CA12: variants seen among roughly 807,000 people sequenced by gnomAD.
CA12 encodes the protein carbonic anhydrase 12, also known as carbonate dehydratase XII.
A neutral mutation model predicts 46.8 loss-of-function variants in CA12; 36 were observed. The ratio of observed to expected loss-of-function variants is 0.77; its 90% confidence interval spans 0.59 to 1.02. The LOEUF is 1.02. Ranked by LOEUF, CA12 falls within the 50% of genes least tolerant of loss-of-function variation. CA12 has a pLI of 0.00. For synonymous variants in CA12, 202 were observed against 187.0 expected (o/e 1.08, Z -0.65); for missense variants, 436 against 451.4 (o/e 0.97, Z 0.31).
intron 8 of CA12, among the ~76,000 whole-genome samples, chr15:63,333,093 C>T (rs1481391129): frequency 3.9e-5 from 6 of 152,112 alleles, no homozygotes; most frequent in African/African-American, 7.2e-5. Context: ...TCCAGGAGGA[C>T]GTGATTAGAG....
intron 2 of CA12, among the ~76,000 whole-genome samples, chr15:63,356,843 A>C (rs1418344200): frequency 6.6e-6 from 1 of 152,204 alleles, no homozygotes; most frequent in Non-Finnish European, 1.5e-5. Context: ...TATAGATCCC[A>C]AAGTATTAAA....
Position 63,340,147 on chromosome 15 carries a change from C to G in CA12, c.747+141G>C, listed in dbSNP as rs892252946. The G allele has an allele frequency of 2.0e-6, 2 of 1,003,998 alleles. No individual in the cohort carries two copies. Among genetic ancestry groups the G allele is most frequent in the Non-Finnish European group, 3.1e-6 (2 of 653,216 alleles). 62.2% of individuals were successfully genotyped at this position (1,003,998 alleles called of 1,614,324 possible). On this transcript the variant is annotated intron_variant, in intron 7 of 10. Transcript: ENST00000178638. This position sits in a 1 kb window ranked among gnomAD's most constrained non-coding sequence, Gnocchi z 4.4. ...CAGCCTGGAATTTCTGCGGTGCTTT[C>G]AGACACCTGTGATATTTGGAGAGGT...
chr15:63,323,035 GA>G lies in CA12; in HGVS notation c.*3249del. ...AGTCAGAATGTGAAGTCTGGATTTA[GA>G]CAAAAGATTATTTGGACGGGTGATA... On this transcript the variant is annotated 3_prime_UTR_variant, in exon 11 of 11. Coordinates refer to ENST00000178638, the MANE Select transcript of CA12 (RefSeq NM_001218.5). The surrounding 1 kb of genome is among the most constrained non-coding windows in gnomAD (Gnocchi z 5.1). The G allele has an allele frequency of 6.6e-6, 1 of 152,188 alleles. No individual in the cohort carries two copies. Among genetic ancestry groups the G allele is most frequent in the Non-Finnish European group, 1.5e-5 (1 of 68,038 alleles). The allele number at this position is 152,188 out of a possible 1,614,324, so 9.4% of individuals were successfully genotyped here.
At chr15:63,351,113 T>C (rs566393983) in intron 2 of CA12, among the ~76,000 whole-genome samples, 1 of 152,214 alleles carries the variant, frequency 6.6e-6, no homozygotes, top group Non-Finnish European at 1.5e-5. Context: ...TTTTGCAATA[T>C]TGCAATTAGA....
intron 1 of CA12, among the ~76,000 whole-genome samples, chr15:63,376,602 C>CTTTCTTTCTTTCTT (rs1391310984): frequency 1.8e-4 from 26 of 142,000 alleles, no homozygotes; most frequent in African/African-American, 4.7e-4. Flanking sequence ...TTCTTTCTTT[C>CTTTCTTTCTTTCTT]TCTCTCTCTC....
chr15:63,368,129 G>A (rs1053152980), intron 2 of CA12, among the ~76,000 whole-genome samples: 2 of 152,176 alleles, frequency 1.3e-5, no homozygotes, highest in African/African-American at 4.8e-5. Context: ...GTGCTTCTCT[G>A]TATTCGTGGA....
In CA12 at chr15:63,345,621, T is replaced by G; in HGVS notation, c.287-2A>C. The G allele has an allele frequency of 1.9e-6, 3 of 1,611,518 alleles. No homozygotes were observed. The highest frequency in any genetic ancestry group is 2.5e-6 in the Non-Finnish European group (3 of 1,179,892). ...TGTCCGAGGGCAGGTTCAGCTTCAC[T>G]GCGGGGAGTGGAGGAGCAGCCTTCA... On this transcript the variant is annotated splice_acceptor_variant, in intron 3 of 10. Coordinates refer to ENST00000178638, the MANE Select transcript of CA12 (RefSeq NM_001218.5). LOFTEE classifies it high-confidence loss of function. This position sits in a 1 kb window ranked among gnomAD's most constrained non-coding sequence, Gnocchi z 4.3.
Position 63,338,813 on chromosome 15 carries a change from C to A in CA12, c.874+6G>T. Reference sequence around the variant, plus strand: ...ACCCCCTCCCCCCAGCACTGCCTCTCCTCACCTTGGGAGAAGGAGGTGTAT... The same window carrying A: ...ACCCCCTCCCCCCAGCACTGCCTCTACTCACCTTGGGAGAAGGAGGTGTAT... On this transcript the variant is annotated splice_donor_region_variant and intron_variant, in intron 8 of 10. Transcript: ENST00000178638. 6.2e-7 allele frequency: 1 copy of A among 1,614,098 alleles called. No individual in the cohort carries two copies. The highest frequency in any genetic ancestry group is 2.2e-5 in the East Asian group (1 of 44,884).
intron 4 of CA12, among the ~76,000 whole-genome samples, chr15:63,343,368 G>A (rs928514706): frequency 1.5e-5 from 2 of 136,586 alleles, no homozygotes; most frequent in East Asian, 4.6e-4. Flanking sequence ...CGCAACCTCC[G>A]CCTCCCAGGT....
In CA12 at chr15:63,327,043, G is replaced by T. The variant is rs2038876194; in HGVS notation, c.992+106C>A. On this transcript the variant is annotated intron_variant, in intron 10 of 10. Coordinates refer to ENST00000178638, the MANE Select transcript of CA12 (RefSeq NM_001218.5). This position sits in a 1 kb window ranked among gnomAD's most constrained non-coding sequence, Gnocchi z 4.5. Reference sequence around the variant, plus strand: ...GACGGCCCTCCTAGGGTAAGTGGTGGTCCAGGTGACTGCGGCTCTTCATGC... The same window carrying T: ...GACGGCCCTCCTAGGGTAAGTGGTGTTCCAGGTGACTGCGGCTCTTCATGC... 4 of 996,066 alleles carry T rather than the reference G, an allele frequency of 4.0e-6. No individual in the cohort carries two copies. In the East Asian group the frequency reaches 7.6e-5, roughly 19 times the overall value. The allele number at this position is 996,066 out of a possible 1,614,324, so 61.7% of individuals were successfully genotyped here. A position where few individuals can be genotyped will look rare whatever the true frequency, so the allele number is the denominator to read the frequency against.
chr15:63,376,600 T>TTCTTTC (rs10623502), intron 1 of CA12, among the ~76,000 whole-genome samples: 2,508 of 134,070 alleles, frequency 0.019, 26 homozygotes, highest in East Asian at 0.036. Context: ...CTTTCTTTCT[T>TTCTTTC]TCTCTCTCTC....
chr15:63,328,629 C>G lies in CA12; in HGVS notation c.875-499G>C, dbSNP rs1399101380. Among the ~76,000 whole-genome samples, 1 of 152,076 alleles carries G rather than the reference C, an allele frequency of 6.6e-6. No individual in the cohort carries two copies. Among genetic ancestry groups the G allele is most frequent in the African/African-American group, 2.4e-5 (1 of 41,408 alleles). ...GATTATAGGCGTGAGCCCCTGCGCC[C>G]GGCCCCGATGCTCCTTTATCACAAC... is the stretch of plus-strand genomic sequence containing the variant. On this transcript the variant is annotated intron_variant, in intron 8 of 10. Transcript: ENST00000178638. The surrounding 1 kb of genome is among the most constrained non-coding windows in gnomAD (Gnocchi z 5.9).
chr15:63,379,449 C>A (rs1385122960), intron 1 of CA12, among the ~76,000 whole-genome samples: 1 of 152,216 alleles, frequency 6.6e-6, no homozygotes, highest in Non-Finnish European at 1.5e-5. Flanking sequence ...CCACTTCTAG[C>A]TGTAAGAACA....
intron 1 of CA12, among the ~76,000 whole-genome samples, chr15:63,379,470 A>G (rs897818190): frequency 1.1e-4 from 17 of 152,178 alleles, no homozygotes; most frequent in African/African-American, 3.9e-4. Flanking sequence ...GAAGGCTTAA[A>G]AGGATTAAAC....
At chr15:63,363,669 A>C (rs1020796320) in intron 2 of CA12, among the ~76,000 whole-genome samples, 1 of 152,270 alleles carries the variant, frequency 6.6e-6, no homozygotes, top group African/African-American at 2.4e-5. Flanking sequence ...CAGCCTTTGC[A>C]GGAAAGCCAA....
Position 63,340,625 on chromosome 15 carries a change from G to A in CA12, c.589+95C>T, listed in dbSNP as rs1033379017. On this transcript the variant is annotated intron_variant, in intron 6 of 10. Coordinates refer to ENST00000178638, the MANE Select transcript of CA12 (RefSeq NM_001218.5). The surrounding 1 kb of genome is among the most constrained non-coding windows in gnomAD (Gnocchi z 4.4). ...GCTCTTAACCTGGTGAACACAGACA[G>A]CACCTGCCCCTTGTGTTTGCTTTTC... The A allele has an allele frequency of 7.0e-7, 1 of 1,423,788 alleles. No individual in the cohort carries two copies. Among genetic ancestry groups the A allele is most frequent in the Non-Finnish European group, 9.9e-7 (1 of 1,007,390 alleles). The allele number at this position is 1,423,788 out of a possible 1,614,324, so 88.2% of individuals were successfully genotyped here. A position where few individuals can be genotyped will look rare whatever the true frequency, so the allele number is the denominator to read the frequency against.
At chr15:63,363,614 C>T (rs371907533) in intron 2 of CA12, among the ~76,000 whole-genome samples, 1 of 152,222 alleles carries the variant, frequency 6.6e-6, no homozygotes, top group South Asian at 2.1e-4. Flanking sequence ...TCAAAAGCCA[C>T]CATTGATTAA....
chr15:63,358,394 G>A (rs1374471638), intron 2 of CA12, among the ~76,000 whole-genome samples: 1 of 152,242 alleles, frequency 6.6e-6, no homozygotes, highest in Non-Finnish European at 1.5e-5. Flanking sequence ...ATGTAGCAAT[G>A]TTCCCCGGCA....
chr15:63,357,429 A>C (rs1595786712), intron 2 of CA12, among the ~76,000 whole-genome samples: 1 of 152,196 alleles, frequency 6.6e-6, no homozygotes, highest in African/African-American at 2.4e-5. Context: ...TGGAATCTCC[A>C]AGAGCTCCTG....
Sources: gnomAD v4.1 joint callset for allele counts (sites outside exome capture counted in the v4.1 genomes callset) on GRCh38, gnomAD v4.1.1 for gene constraint, Gnocchi (gnomAD v3.1) non-coding constraint, MANE v1.5 for transcripts, NCBI Gene and HGNC (gene_info 2026-07-23, HGNC 2026-07-21) for gene names.